Variants in ANTXR1 observed in about 807,000 individuals in gnomAD.
ANTXR1 encodes ANTXR cell adhesion molecule 1.
A neutral mutation model predicts 78.1 loss-of-function variants in ANTXR1; 19 were observed. The observed-to-expected ratio is 0.24, with a 90% CI of 0.17 to 0.36. ANTXR1 has a LOEUF of 0.36. ANTXR1 is among the 10% of genes least tolerant of loss of function. The pLI is 1.00. For missense variants in ANTXR1, 518 were observed against 718.6 expected (o/e 0.72, Z 3.19); for synonymous variants, 273 against 260.5 (o/e 1.05, Z -0.46).
rs564988206 is a variant in ANTXR1 at position 69,080,842 on chromosome 2, G to T, written c.642+3354G>T. On this transcript the variant is annotated intron_variant, in intron 8 of 17. Transcript: ENST00000303714. ...GATAGAATGTTCTTGGCAGAGCACG[G>T]CCCAGTACAGTGCATAGGAGAATGA... Among the ~76,000 whole-genome samples, 3 of 152,276 alleles carry T rather than the reference G, an allele frequency of 2.0e-5. No individual in the cohort carries two copies. The East Asian group carries it at 5.8e-4, about 29-fold the overall frequency.
chr2:69,217,044 T>A (rs1257907106), intron 17 of ANTXR1, among the ~76,000 whole-genome samples: 2 of 152,232 alleles, frequency 1.3e-5, no homozygotes, highest in African/African-American at 4.8e-5. Flanking sequence ...ACTACATCTG[T>A]CAGCCCCCAT....
intron 17 of ANTXR1, among the ~76,000 whole-genome samples, chr2:69,239,038 C>A (rs1002339268): frequency 5.3e-5 from 8 of 152,144 alleles, no homozygotes; most frequent in African/African-American, 1.9e-4. Context: ...TCCCACAAAC[C>A]CAAATTCAGA....
At chr2:69,173,406 C>T (rs915776974) in intron 14 of ANTXR1, among the ~76,000 whole-genome samples, 17 of 152,176 alleles carry the variant, frequency 1.1e-4, no homozygotes, top group Non-Finnish European at 2.2e-4. Flanking sequence ...TCCAGCTCAT[C>T]TTTTCACTCC....
chr2:69,140,496 A>G (rs1004242019), intron 12 of ANTXR1, among the ~76,000 whole-genome samples: 2 of 152,230 alleles, frequency 1.3e-5, no homozygotes, highest in Non-Finnish European at 2.9e-5. Context: ...GAATATCATC[A>G]TCATTTGATT....
At chr2:69,053,906 GC>G (rs1381585234) in intron 3 of ANTXR1, among the ~76,000 whole-genome samples, 1 of 152,024 alleles carries the variant, frequency 6.6e-6, no homozygotes, top group Non-Finnish European at 1.5e-5. Context: ...ACATTACAAA[GC>G]TACCCAGTAC....
At chr2:69,145,351 C>A in intron 12 of ANTXR1, 1 of 1,599,654 alleles carries the variant, frequency 6.3e-7, no homozygotes, top group East Asian at 2.3e-5. Context: ...GCATCAGGCC[C>A]CACAACAGCT....
intron 10 of ANTXR1, among the ~76,000 whole-genome samples, chr2:69,107,412 G>A (rs1158087369): frequency 6.6e-6 from 1 of 151,908 alleles, no homozygotes; most frequent in Non-Finnish European, 1.5e-5. Flanking sequence ...GCTAATTTTT[G>A]TATTTTTTGT....
chr2:69,170,115 A>T (rs1673939173), intron 13 of ANTXR1, 133 bp from the exon 14 acceptor site: 1 of 922,862 alleles, frequency 1.1e-6, no homozygotes, highest in Non-Finnish European at 1.8e-6. Context: ...CATGGCAGTG[A>T]TTAAGCCCGA....
At chr2:69,058,038 G>C (rs1043444461) in intron 3 of ANTXR1, among the ~76,000 whole-genome samples, 5 of 152,304 alleles carry the variant, frequency 3.3e-5, no homozygotes, top group African/African-American at 1.2e-4. Flanking sequence ...CTGAGAGAGG[G>C]GAGGAAGCTG....
At chr2:69,048,855 T>C (rs929988563) in intron 3 of ANTXR1, among the ~76,000 whole-genome samples, 42 of 152,320 alleles carry the variant, frequency 2.8e-4, no homozygotes, top group African/African-American at 1.0e-3. Context: ...CAGATATCCC[T>C]GGGATTTTCA....
At position 69,104,425 on chromosome 2, in the gene ANTXR1, T is replaced by C. The variant is rs550113822; in HGVS notation, c.802+1485T>C. Reference sequence around the variant, plus strand: ...CCAAACATTAGAAACATTCGGTTAGTTTTCTTAATATTTGGAAATGCTCTC... The same window carrying C: ...CCAAACATTAGAAACATTCGGTTAGCTTTCTTAATATTTGGAAATGCTCTC... On this transcript the variant is annotated intron_variant, in intron 10 of 17. Transcript: ENST00000303714. 3.3e-5 allele frequency among the ~76,000 whole-genome samples: 5 copies of C among 152,328 alleles called. No homozygotes were observed. In the East Asian group the frequency reaches 9.7e-4, roughly 29 times the overall value.
At chr2:69,103,305 T>A in intron 10 of ANTXR1, 1 of 361,196 alleles carries the variant, frequency 2.8e-6, no homozygotes, top group Non-Finnish European at 5.4e-6. Flanking sequence ...CAGGTGGGAG[T>A]GCTGGTGATG....
chr2:69,177,608 C>G (rs1026709902), intron 14 of ANTXR1, among the ~76,000 whole-genome samples: 10 of 152,190 alleles, frequency 6.6e-5, no homozygotes, highest in Admixed American at 5.2e-4. Context: ...AAACCGGCCT[C>G]CCTCCCCAAT....
Position 69,151,186 on chromosome 2 carries a change from C to CTTTT in ANTXR1, c.952-963_952-960dup, listed in dbSNP as rs59147668. On this transcript the variant is annotated intron_variant, in intron 12 of 17. Coordinates refer to ENST00000303714, the MANE Select transcript of ANTXR1 (RefSeq NM_032208.3). Reference sequence around the variant, plus strand: ...CTGTACAAACATATCTGATTATTTTCTTTTTTTTTTTTTTTTTTTTTTTGA... The same window carrying CTTTT: ...CTGTACAAACATATCTGATTATTTTCTTTTTTTTTTTTTTTTTTTTTTTTTTTGA... Among the ~76,000 whole-genome samples, 398 of 82,566 alleles carry CTTTT rather than the reference C, an allele frequency of 4.8e-3. 6 individuals are homozygous for CTTTT. The highest frequency in any genetic ancestry group is 0.012 in the East Asian group (31 of 2,638). The allele number at this position is 82,566 out of a possible 152,430, so 54.2% of individuals were successfully genotyped here. A position where few individuals can be genotyped will look rare whatever the true frequency, so the allele number is the denominator to read the frequency against.
intron 3 of ANTXR1, among the ~76,000 whole-genome samples, chr2:69,063,148 T>C (rs1429439196): frequency 2.0e-5 from 3 of 151,634 alleles, no homozygotes; most frequent in African/African-American, 2.4e-5. Flanking sequence ...ATTTGTGTAA[T>C]TGGAATACCA....
intron 12 of ANTXR1, among the ~76,000 whole-genome samples, chr2:69,141,852 G>A (rs1673078076): frequency 6.6e-6 from 1 of 152,150 alleles, no homozygotes; most frequent in Admixed American, 6.5e-5. Flanking sequence ...TCTGCCCCAT[G>A]AAGTTTGTTT....
At chr2:69,157,954 A>G (rs1484962154) in intron 13 of ANTXR1, among the ~76,000 whole-genome samples, 1 of 152,174 alleles carries the variant, frequency 6.6e-6, no homozygotes, top group Non-Finnish European at 1.5e-5. Flanking sequence ...TGGCATGAGT[A>G]GGGCTTTTCC....
chr2:69,119,246 C>T (rs1040972024), intron 10 of ANTXR1, among the ~76,000 whole-genome samples: 2 of 152,196 alleles, frequency 1.3e-5, no homozygotes, highest in African/African-American at 4.8e-5. Context: ...CCTGGAGTCT[C>T]CCTGGCTGTG....
chr2:69,055,767 A>C (rs985085257), intron 3 of ANTXR1, among the ~76,000 whole-genome samples: 3 of 152,014 alleles, frequency 2.0e-5, no homozygotes, highest in African/African-American at 7.3e-5. Flanking sequence ...CAGAAAAAAA[A>C]CATTATGTGT....
Sources: gnomAD v4.1 joint callset for allele counts (sites outside exome capture counted in the v4.1 genomes callset) on GRCh38, gnomAD v4.1.1 for gene constraint, MANE v1.5 for transcripts, NCBI Gene and HGNC (gene_info 2026-07-23, HGNC 2026-07-21) for gene names.